Variants in HS6ST3 observed in about 807,000 individuals in gnomAD.
HS6ST3 encodes heparan-sulfate 6-O-sulfotransferase 3.
A neutral mutation model predicts 36.7 loss-of-function variants in HS6ST3; 12 were observed. The ratio of observed to expected loss-of-function variants is 0.33; its 90% confidence interval spans 0.21 to 0.53. The LOEUF is 0.53. HS6ST3 is among the 20% of genes least tolerant of loss of function. HS6ST3 has a pLI of 0.95. For missense variants in HS6ST3, 584 were observed against 640.9 expected, an observed-to-expected ratio of 0.91 and a Z score of 0.96; for synonymous variants, 240 against 257.5, an observed-to-expected ratio of 0.93 and a Z score of 0.65.
At chr13:96,531,074 A>G (rs1221716025) in intron 1 of HS6ST3, among the ~76,000 whole-genome samples, 2 of 152,172 alleles carry the variant, frequency 1.3e-5, no homozygotes, top group Admixed American at 1.3e-4. Context: ...AATATCTCTA[A>G]TATCTCCAAT....
intron 1 of HS6ST3, among the ~76,000 whole-genome samples, chr13:96,208,185 C>A (rs1403693721): frequency 1.3e-5 from 2 of 152,084 alleles, no homozygotes; most frequent in African/African-American, 4.8e-5. Context: ...TTAAAAATTT[C>A]CCTCCAACAC....
intron 1 of HS6ST3, among the ~76,000 whole-genome samples, chr13:96,156,189 T>C (rs2054109791): frequency 6.6e-6 from 1 of 152,166 alleles, no homozygotes; most frequent in Admixed American, 6.6e-5. Flanking sequence ...ATTATCCCCA[T>C]TCTATAGTTG....
intron 1 of HS6ST3, among the ~76,000 whole-genome samples, chr13:96,523,573 CT>C (rs765487976): frequency 1.3e-5 from 2 of 151,878 alleles, no homozygotes; most frequent in African/African-American, 4.8e-5. Context: ...TCCTTTCACT[CT>C]TTTTTTTCTC....
At chr13:96,700,301 A>G (rs1875250475) in intron 1 of HS6ST3, among the ~76,000 whole-genome samples, 2 of 152,170 alleles carry the variant, frequency 1.3e-5, no homozygotes, top group South Asian at 2.1e-4. Context: ...TTATAAAACT[A>G]TCACATCTCG....
At chr13:96,152,116 C>A (rs115360711) in intron 1 of HS6ST3, among the ~76,000 whole-genome samples, 1,785 of 152,218 alleles carry the variant, frequency 0.012, 34 homozygotes, top group African/African-American at 0.041. Flanking sequence ...ATAATCTGCT[C>A]TTGAATACTT....
At chr13:96,313,683 A>T (rs1247759029) in intron 1 of HS6ST3, among the ~76,000 whole-genome samples, 3 of 152,122 alleles carry the variant, frequency 2.0e-5, no homozygotes, top group African/African-American at 7.2e-5. Flanking sequence ...GATGTGTTTC[A>T]TTTCTGAATT....
Position 96,833,536 on chromosome 13 carries a change from C to T in HS6ST3, c.*338C>T. The T allele has an allele frequency of 4.4e-6, 1 of 225,074 alleles. No individual in the cohort carries two copies. Among genetic ancestry groups the T allele is most frequent in the Non-Finnish European group, 8.8e-6 (1 of 113,682 alleles). The allele number at this position is 225,074 out of a possible 1,614,324, so 13.9% of individuals were successfully genotyped here. A position where few individuals can be genotyped will look rare whatever the true frequency, so the allele number is the denominator to read the frequency against. ...GAATAGTTTGGGTACCAGGAACCCA[C>T]AGAGGCACACATGAAAAGCCAAATT... On this transcript the variant is annotated 3_prime_UTR_variant, in exon 2 of 2. Transcript: ENST00000376705.
chr13:96,578,735 T>C (rs1804758049), intron 1 of HS6ST3, among the ~76,000 whole-genome samples: 1 of 151,996 alleles, frequency 6.6e-6, no homozygotes. Context: ...AATTTTTTTG[T>C]TTTTAGTAGA....
chr13:96,769,359 A>G (rs1166156452), intron 1 of HS6ST3, among the ~76,000 whole-genome samples: 1 of 151,590 alleles, frequency 6.6e-6, no homozygotes, highest in Non-Finnish European at 1.5e-5. Context: ...GGTTGGTTAC[A>G]TATGTATACA....
intron 1 of HS6ST3, among the ~76,000 whole-genome samples, chr13:96,254,623 C>T (rs1243379015): frequency 2.7e-5 from 4 of 150,842 alleles, no homozygotes; most frequent in Non-Finnish European, 4.4e-5. Flanking sequence ...CAATTTGTAG[C>T]TTATTTTCAC....
chr13:96,360,919 C>T (rs1366412602), intron 1 of HS6ST3, among the ~76,000 whole-genome samples: 4 of 142,354 alleles, frequency 2.8e-5, no homozygotes, highest in Admixed American at 1.4e-4. Context: ...GTACTCCAGC[C>T]TGGACGACAG....
At chr13:96,241,117 C>CT (rs1306274876) in intron 1 of HS6ST3, among the ~76,000 whole-genome samples, 1 of 145,988 alleles carries the variant, frequency 6.8e-6, no homozygotes, top group African/African-American at 2.5e-5. Context: ...GGTAATAAAT[C>CT]TTTTTGCAAA....
At chr13:96,252,813 C>T (rs572189206) in intron 1 of HS6ST3, among the ~76,000 whole-genome samples, 1 of 152,076 alleles carries the variant, frequency 6.6e-6, no homozygotes, top group South Asian at 2.1e-4. Flanking sequence ...TAAAGTGTGG[C>T]ACCCCACCCC....
intron 1 of HS6ST3, among the ~76,000 whole-genome samples, chr13:96,120,212 A>G (rs957383060): frequency 3.3e-5 from 5 of 152,204 alleles, no homozygotes; most frequent in African/African-American, 1.2e-4. Flanking sequence ...GAGGCAAGGA[A>G]GGGTTCCCTG....
intron 1 of HS6ST3, among the ~76,000 whole-genome samples, chr13:96,458,613 T>C (rs1413828194): frequency 6.6e-6 from 1 of 151,522 alleles, no homozygotes; most frequent in Non-Finnish European, 1.5e-5. Flanking sequence ...CTACCTCATC[T>C]GTTACATTTG....
intron 1 of HS6ST3, among the ~76,000 whole-genome samples, chr13:96,331,253 G>A (rs1285498487): frequency 3.9e-5 from 6 of 152,208 alleles, no homozygotes; most frequent in African/African-American, 1.4e-4. Context: ...GAGGAGAGGT[G>A]CTCTGCGTTT....
At chr13:96,356,359 T>A (rs949938258) in intron 1 of HS6ST3, among the ~76,000 whole-genome samples, 3 of 152,182 alleles carry the variant, frequency 2.0e-5, no homozygotes, top group Non-Finnish European at 4.4e-5. Flanking sequence ...TTCATCAGAA[T>A]AATTGCTATC....
At chr13:96,182,148 C>T (rs1395569400) in intron 1 of HS6ST3, among the ~76,000 whole-genome samples, 1 of 152,172 alleles carries the variant, frequency 6.6e-6, no homozygotes, top group East Asian at 1.9e-4. Context: ...GAGACTAGAC[C>T]AGGCTGTTCA....
At chr13:96,633,797 G>A (rs370406263) in intron 1 of HS6ST3, among the ~76,000 whole-genome samples, 22 of 152,252 alleles carry the variant, frequency 1.4e-4, no homozygotes, top group East Asian at 5.8e-4. Flanking sequence ...GAATGGGAAC[G>A]ACATTGTCCT....
Sources: allele counts gnomAD v4.1 joint callset (sites outside exome capture counted in the v4.1 genomes callset), GRCh38; gene constraint gnomAD v4.1.1; transcripts MANE v1.5; gene names NCBI Gene and HGNC (gene_info 2026-07-23, HGNC 2026-07-21).